The following ARHGEF1 variants were observed in gnomAD, a reference collection of about 807,000 sequenced individuals.
ARHGEF1 encodes the protein 115 kDa guanine nucleotide exchange factor.
A neutral mutation model predicts 119.7 loss-of-function variants in ARHGEF1; 40 were observed. The observed-to-expected ratio is 0.33, with a 90% CI of 0.26 to 0.44. The LOEUF is 0.44. Among genes scored for constraint, ARHGEF1 ranks in the 20% least tolerant of loss-of-function variants. The pLI is 1.00. For missense variants in ARHGEF1, 976 were observed against 1,268.3 expected (o/e 0.77, Z 3.50); for synonymous variants, 494 against 521.0 (o/e 0.95, Z 0.71).
downstream of ARHGEF1, chr19:41,907,945 G>A (rs1599669562): frequency 1.7e-5 from 5 of 289,726 alleles, no homozygotes; most frequent in Non-Finnish European, 3.1e-5. Context: ...GGCGGGCGGG[G>A]CAGGCTGGGC....
intron 12 of ARHGEF1, 94 bp downstream of exon 12, chr19:41,895,580 C>A (rs2074470804): frequency 1.5e-6 from 2 of 1,326,184 alleles, no homozygotes; most frequent in Non-Finnish European, 1.0e-6. Flanking sequence ...GAAGCCATTC[C>A]CCAGCAACAC....
chr19:41,905,284 C>G lies in ARHGEF1; in HGVS notation c.2336+23C>G. ...CAGGTGAGGGGGGCCATGGAGAGAG[C>G]TGGAGGTTCAGGGAGTGGGGCCGGA... On this transcript the variant is annotated intron_variant, in intron 24 of 28. Transcript: ENST00000354532. This position sits in a 1 kb window ranked among gnomAD's most constrained non-coding sequence, Gnocchi z 6.4. 1 of 1,599,132 alleles carries G rather than the reference C, an allele frequency of 6.3e-7. No individual in the cohort carries two copies. Among genetic ancestry groups the G allele is most frequent in the African/African-American group, 1.3e-5 (1 of 74,516 alleles).
At chr19:41,896,863 ACCCCCTCCTCTCACCTC>A in intron 13 of ARHGEF1, 2 of 69,314 alleles carry the variant, frequency 2.9e-5, no homozygotes, top group South Asian at 1.5e-4. Flanking sequence ...TCTCTCACCT[ACCCCCTCCTCTCACCTC>A]CCCGCTCCTC....
chr19:41,888,889 C>T lies in ARHGEF1; in HGVS notation c.225+24C>T. On this transcript the variant is annotated intron_variant, in intron 4 of 28. Coordinates refer to ENST00000354532, the MANE Select transcript of ARHGEF1 (RefSeq NM_004706.4). The surrounding 1 kb of genome is among the most constrained non-coding windows in gnomAD (Gnocchi z 5.1). ...TGGTGAGGGCAGGGCTGGGTGGGCA[C>T]AGGGAGGGGTGGGGCTGGGACAGGC... 6.3e-7 allele frequency: 1 copy of T among 1,586,266 alleles called. No homozygotes were observed. The highest frequency in any genetic ancestry group is 8.6e-7 in the Non-Finnish European group (1 of 1,157,988).
At chr19:41,923,269 T>C (rs768752327) in intron 1 of ARHGEF1, 40 of 435,982 alleles carry the variant, frequency 9.2e-5, no homozygotes, top group Non-Finnish European at 1.3e-4. Flanking sequence ...ATTTGTACTG[T>C]CAGAGGACAG....
At chr19:41,915,200 TCCCCGCCG>T (rs2074792882) in intron 18 of ARHGEF1, among the ~76,000 whole-genome samples, 1 of 115,262 alleles carries the variant, frequency 8.7e-6, no homozygotes, top group Non-Finnish European at 1.7e-5. Flanking sequence ...CGCTTTCAAC[TCCCCGCCG>T]CCTCCTCCGG....
At chr19:41,909,569 G>A (rs1219288576), downstream of ARHGEF1, 11 of 993,092 alleles carry the variant, frequency 1.1e-5, no homozygotes, top group Non-Finnish European at 1.5e-5. The surrounding 1 kb of genome is among the most constrained non-coding windows in gnomAD (Gnocchi z 5.2). Context: ...ATGGTGCACA[G>A]AGCACTAGAA....
At chr19:41,894,135 A>AGTGTGT (rs35797687) in intron 8 of ARHGEF1, 72 bp from the exon 9 acceptor site, 114,997 of 482,808 alleles carry the variant, frequency 0.24, 6,594 homozygotes, top group South Asian at 0.31. Flanking sequence ...TGTGTGTGTG[A>AGTGTGT]GTGTGTGTGT....
At position 41,894,528 on chromosome 19, in the gene ARHGEF1, G is replaced by A. The variant is rs2074445184; in HGVS notation, c.822G>A (p.Trp274Ter). ...GCAGCATCCTGGATGCCGCCCGCTG[G>A]AACCGGGGAGAGCCCCAGGGTAAGG... ...GLSSILDAAR[W>*]NRGEPQVPDF... Residue 274 changes from tryptophan to a stop codon, truncating the protein, a stop_gained, in exon 10 of 29, where the codon TGG becomes TGA. Coordinates refer to ENST00000354532, the MANE Select transcript of ARHGEF1 (RefSeq NM_004706.4). LOFTEE classifies it high-confidence loss of function. The A allele has an allele frequency of 6.2e-7, 1 of 1,612,018 alleles. No homozygotes were observed. The highest frequency in any genetic ancestry group is 8.5e-7 in the Non-Finnish European group (1 of 1,178,750).
chr19:41,912,369 C>T (rs1037378396), downstream of ARHGEF1, among the ~76,000 whole-genome samples: 59 of 152,334 alleles, frequency 3.9e-4, no homozygotes, highest in African/African-American at 1.4e-3. Flanking sequence ...CCAGCTTCAC[C>T]GTCCACCAAC....
At chr19:41,915,619 A>ATCTCTGTCTCATCTG (rs1254528229) in intron 18 of ARHGEF1, among the ~76,000 whole-genome samples, 1 of 146,802 alleles carries the variant, frequency 6.8e-6, no homozygotes, top group Non-Finnish European at 1.5e-5. Flanking sequence ...CATGTCCCCC[A>ATCTCTGTCTCATCTG]TCTCTGTCTC....
Position 41,923,234 on chromosome 19 carries a change from G to A in ARHGEF1, c.140+1G>A. Reference sequence around the variant, plus strand: ...GAGGTGAGCCTGGACTTGAATGCAGGTCAGTATGACTCTAGGCCCCCGATA... The same window carrying A: ...GAGGTGAGCCTGGACTTGAATGCAGATCAGTATGACTCTAGGCCCCCGATA... On this transcript the variant is annotated splice_donor_variant, in intron 1 of 2. Transcript: ENST00000594417. LOFTEE classifies it high-confidence loss of function. 1 of 455,188 alleles carries A rather than the reference G, an allele frequency of 2.2e-6. No individual in the cohort carries two copies. The highest frequency in any genetic ancestry group is 1.6e-5 in the South Asian group (1 of 64,386). The allele number at this position is 455,188 out of a possible 1,614,324, so 28.2% of individuals were successfully genotyped here. A position where few individuals can be genotyped will look rare whatever the true frequency, so the allele number is the denominator to read the frequency against.
At chr19:41,918,353 TACACACACCATACC>T (rs1457038018), upstream of ARHGEF1, among the ~76,000 whole-genome samples, 21 of 140,280 alleles carry the variant, frequency 1.5e-4, no homozygotes, top group Non-Finnish European at 3.1e-4. Context: ...ACATACACCA[TACACACACCATACC>T]ACACACACCA....
intron 8 of ARHGEF1, among the ~76,000 whole-genome samples, chr19:41,893,623 G>A (rs1263088065): frequency 9.6e-5 from 4 of 41,598 alleles, no homozygotes; most frequent in African/African-American, 4.4e-4. Context: ...AGGGAGGAGG[G>A]GGCTGGGGGC....
chr19:41,896,478 G>A lies in ARHGEF1; in HGVS notation c.1117G>A (p.Glu373Lys), dbSNP rs1555847660. 2.0e-6 allele frequency: 3 copies of A among 1,488,366 alleles called. No individual in the cohort carries two copies. Among genetic ancestry groups the A allele is most frequent in the Non-Finnish European group, 1.8e-6 (2 of 1,118,080 alleles). 92.2% of individuals were successfully genotyped at this position (1,488,366 alleles called of 1,614,324 possible). A position where few individuals can be genotyped will look rare whatever the true frequency, so the allele number is the denominator to read the frequency against. The change falls in exon 13 of 29, where the codon GAG (glutamate) becomes AAG (lysine). Residue 373 changes from glutamate to lysine, a missense_variant. Physicochemically the swap from Glu to Lys is moderately conservative, Grantham distance 56 (BLOSUM62 1). Coordinates refer to ENST00000354532, the MANE Select transcript of ARHGEF1 (RefSeq NM_004706.4). ...GAGTACCGACGAGGGGGCCGAAACC[G>A]AGAGGTGCCCAGGCTGGGGTGCAGG... ...PESTDEGAET[E>K]SPEPGDEGEP... is the part of the protein sequence containing the mutation.
chr19:41,892,800 C>G lies in ARHGEF1; in HGVS notation c.565C>G (p.Arg189Gly). The G allele has an allele frequency of 6.3e-7, 1 of 1,594,416 alleles. No homozygotes were observed. Among genetic ancestry groups the G allele is most frequent in the Non-Finnish European group, 8.5e-7 (1 of 1,173,276 alleles). The part of the protein sequence containing the change: ...VGRDRASYEA[R>G]ERHVAERLLM... The stretch of plus-strand genomic sequence containing the variant: ...GCGGGACCGAGCCAGCTACGAGGCC[C>G]GGGAGCGGCACGTGGCGGAGCGGCT... The change falls in exon 7 of 29, where the codon CGG becomes GGG. Residue 189 changes from arginine to glycine, a missense_variant. Coordinates refer to ENST00000354532, the MANE Select transcript of ARHGEF1 (RefSeq NM_004706.4). This position sits in a 1 kb window ranked among gnomAD's most constrained non-coding sequence, Gnocchi z 6.3.
rs781850172 is a variant in ARHGEF1 at position 41,892,800 on chromosome 19, C to T, written c.565C>T (p.Arg189Trp). 6.3e-6 allele frequency: 10 copies of T among 1,594,416 alleles called. No homozygotes were observed. Among genetic ancestry groups the T allele is most frequent in the South Asian group, 4.4e-5 (4 of 90,448 alleles). ...VGRDRASYEA[R>W]ERHVAERLLM... Reference sequence around the variant, plus strand: ...GCGGGACCGAGCCAGCTACGAGGCCCGGGAGCGGCACGTGGCGGAGCGGCT... The same window carrying T: ...GCGGGACCGAGCCAGCTACGAGGCCTGGGAGCGGCACGTGGCGGAGCGGCT... The change falls in exon 7 of 29, where the codon CGG becomes TGG. Residue 189 changes from arginine to tryptophan, a missense_variant. Coordinates refer to ENST00000354532, the MANE Select transcript of ARHGEF1 (RefSeq NM_004706.4). The surrounding 1 kb of genome is among the most constrained non-coding windows in gnomAD (Gnocchi z 6.3).
rs369828187 is a variant in ARHGEF1, at chr19:41,906,406, C to G, written c.2492-51C>G. The G allele has an allele frequency of 2.0e-6, 3 of 1,509,960 alleles. No homozygotes were observed. The highest frequency in any genetic ancestry group is 1.4e-5 in the African/African-American group (1 of 71,290). 93.5% of individuals were successfully genotyped at this position (1,509,960 alleles called of 1,614,324 possible). On this transcript the variant is annotated intron_variant, in intron 26 of 28. Coordinates refer to ENST00000354532, the MANE Select transcript of ARHGEF1 (RefSeq NM_004706.4). The surrounding 1 kb of genome is among the most constrained non-coding windows in gnomAD (Gnocchi z 4.5). Reference sequence around the variant, plus strand: ...CCTTTGGAATCCCCCATCCCAGATCCCAGCCCAGCCCCCTGGTCTCCTGAC... The same window carrying G: ...CCTTTGGAATCCCCCATCCCAGATCGCAGCCCAGCCCCCTGGTCTCCTGAC...
chr19:41,907,986 C>T, downstream of ARHGEF1: 3 of 397,948 alleles, frequency 7.5e-6, no homozygotes, highest in South Asian at 1.4e-4. Flanking sequence ...TGGGGCCAGG[C>T]GGGGACCCCC....
Sources: allele counts gnomAD v4.1 joint callset (sites outside exome capture counted in the v4.1 genomes callset), GRCh38; gene constraint gnomAD v4.1.1; non-coding constraint Gnocchi (gnomAD v3.1); transcripts MANE v1.5; gene names NCBI Gene and HGNC (gene_info 2026-07-23, HGNC 2026-07-21).